The following EXOC6B variants were observed in gnomAD, a reference collection of about 807,000 sequenced individuals.
EXOC6B encodes SEC15 homolog B.
A neutral mutation model predicts 113.5 loss-of-function variants in EXOC6B; 54 were observed. The ratio of observed to expected loss-of-function variants is 0.48; its 90% confidence interval spans 0.38 to 0.60. The LOEUF (loss-of-function observed/expected upper bound fraction) is 0.60, where lower values mean the gene tolerates loss of function less well. EXOC6B is among the 20% of genes least tolerant of loss of function. The pLI is 0.00. For missense variants in EXOC6B, 797 were observed against 977.5 expected (o/e 0.82, Z 2.46); for synonymous variants, 357 against 339.0 (o/e 1.05, Z -0.58).
At chr2:72,352,092 G>T (rs1689681810) in intron 19 of EXOC6B, among the ~76,000 whole-genome samples, 1 of 151,832 alleles carries the variant, frequency 6.6e-6, no homozygotes, top group Non-Finnish European at 1.5e-5. Flanking sequence ...GTCCAATTGG[G>T]GATTTTAGTG....
At chr2:72,650,417 C>T (rs1049949493) in intron 6 of EXOC6B, among the ~76,000 whole-genome samples, 25 of 151,942 alleles carry the variant, frequency 1.6e-4, no homozygotes, top group Non-Finnish European at 4.4e-5. Context: ...CTGGCTAACA[C>T]GGGGAAACCC....
At chr2:72,240,015 A>T (rs975621110) in intron 20 of EXOC6B, among the ~76,000 whole-genome samples, 13 of 152,220 alleles carry the variant, frequency 8.5e-5, no homozygotes, top group Non-Finnish European at 1.6e-4. Context: ...ACCAAGGTAC[A>T]AGTACATGGT....
intron 17 of EXOC6B, among the ~76,000 whole-genome samples, chr2:72,469,515 G>A (rs1698266779): frequency 6.6e-6 from 1 of 151,816 alleles, no homozygotes; most frequent in African/African-American, 2.4e-5. Flanking sequence ...TGTTTATTTT[G>A]AAATATTTCT....
At chr2:72,779,726 T>C (rs1683916682) in intron 1 of EXOC6B, among the ~76,000 whole-genome samples, 1 of 152,106 alleles carries the variant, frequency 6.6e-6, no homozygotes. Context: ...ATTAGACTAT[T>C]GTCTAAGGGG....
At position 72,536,882 on chromosome 2, in the gene EXOC6B, T is replaced by C. The variant is rs567754824; in HGVS notation, c.916-21756A>G. Among the ~76,000 whole-genome samples, 7 of 152,296 alleles carry C rather than the reference T, an allele frequency of 4.6e-5. 1 individual carries two copies. The East Asian group carries it at 1.3e-3, about 29-fold the overall frequency. The stretch of plus-strand genomic sequence containing the variant: ...TTTACAAATTAAATTGAGGAGAAAT[T>C]AACAACTTTGCATTGTATGAAGAAC... On this transcript the variant is annotated intron_variant, in intron 8 of 21. Coordinates refer to ENST00000272427, the MANE Select transcript of EXOC6B (RefSeq NM_015189.3).
At chr2:72,452,963 C>T (rs1051577561) in intron 18 of EXOC6B, among the ~76,000 whole-genome samples, 4 of 152,156 alleles carry the variant, frequency 2.6e-5, no homozygotes, top group Non-Finnish European at 5.9e-5. Context: ...CCATGCTTCT[C>T]AGTCCCCTTG....
At chr2:72,656,798 C>T (rs1229740614) in intron 6 of EXOC6B, among the ~76,000 whole-genome samples, 2 of 152,166 alleles carry the variant, frequency 1.3e-5, no homozygotes, top group Admixed American at 1.3e-4. Flanking sequence ...TATGTGTATA[C>T]ACAAACATAT....
chr2:72,686,291 T>C (rs187749919), intron 6 of EXOC6B, among the ~76,000 whole-genome samples: 236 of 152,256 alleles, frequency 1.6e-3, no homozygotes, highest in African/African-American at 5.6e-3. Flanking sequence ...AGAAGCATGA[T>C]AGGAAAACCA....
At position 72,648,385 on chromosome 2, in the gene EXOC6B, A is replaced by T. The variant is rs530666284; in HGVS notation, c.669+69718T>A. 3.3e-5 allele frequency among the ~76,000 whole-genome samples: 5 copies of T among 152,352 alleles called. No homozygotes were observed. The East Asian group carries it at 9.6e-4, about 29-fold the overall frequency. On this transcript the variant is annotated intron_variant, in intron 6 of 21. Transcript: ENST00000272427. The stretch of plus-strand genomic sequence containing the variant: ...AAGACAGTGTGGCGATTCCTCAAGG[A>T]TCTAGAACTAAAAATACCATTTGAC...
intron 1 of EXOC6B, among the ~76,000 whole-genome samples, chr2:72,803,306 C>CA (rs762977532): frequency 0.065 from 8,000 of 123,444 alleles, 678 homozygotes; most frequent in African/African-American, 0.21. Flanking sequence ...AAATTCTGAG[C>CA]AAAAAAAAAA....
At chr2:72,303,913 G>A (rs1363316057) in intron 20 of EXOC6B, among the ~76,000 whole-genome samples, 1 of 152,206 alleles carries the variant, frequency 6.6e-6, no homozygotes, top group African/African-American at 2.4e-5. Flanking sequence ...TGCTCAGTGA[G>A]GAGAAGTGAG....
chr2:72,804,894 G>A (rs997309589), intron 1 of EXOC6B, among the ~76,000 whole-genome samples: 31 of 152,166 alleles, frequency 2.0e-4, no homozygotes, highest in Admixed American at 1.4e-3. Flanking sequence ...ACCACACCCG[G>A]CCAGCCTTTA....
chr2:72,642,701 T>C (rs2104352390), intron 6 of EXOC6B, among the ~76,000 whole-genome samples: 1 of 150,510 alleles, frequency 6.6e-6, no homozygotes, highest in East Asian at 1.9e-4. Flanking sequence ...GACATAGGCA[T>C]GGGCAAGGAC....
Position 72,176,279 on chromosome 2 carries a change from GGAAGAAGAAGAA to G in EXOC6B, c.*3044_*3055del, listed in dbSNP as rs71731573. The stretch of plus-strand genomic sequence containing the variant: ...CAGGCAAAAAAAAAAAAAACAAAAA[GGAAGAAGAAGAA>G]GAAGAAGAAGAGGCAATTGCAGTCA... On this transcript the variant is annotated 3_prime_UTR_variant, in exon 22 of 22. Transcript: ENST00000272427. The G allele has an allele frequency of 1.3e-5, 2 of 148,194 alleles. No individual in the cohort carries two copies. The highest frequency in any genetic ancestry group is 3.0e-5 in the Non-Finnish European group (2 of 67,132). 9.2% of individuals were successfully genotyped at this position (148,194 alleles called of 1,614,324 possible). A position where few individuals can be genotyped will look rare whatever the true frequency, so the allele number is the denominator to read the frequency against.
At chr2:72,720,637 C>T (rs1217095445) in intron 5 of EXOC6B, among the ~76,000 whole-genome samples, 8 of 151,970 alleles carry the variant, frequency 5.3e-5, no homozygotes, top group African/African-American at 1.7e-4. Flanking sequence ...CCCGTAGTCC[C>T]AACTACTTGG....
At chr2:72,369,625 T>G (rs764543852) in intron 19 of EXOC6B, among the ~76,000 whole-genome samples, 1 of 152,054 alleles carries the variant, frequency 6.6e-6, no homozygotes, top group Non-Finnish European at 1.5e-5. Context: ...TACAAGGCTA[T>G]AGTAACCAAA....
intron 18 of EXOC6B, among the ~76,000 whole-genome samples, chr2:72,381,163 C>G (rs747474371): frequency 6.6e-6 from 1 of 152,044 alleles, no homozygotes; most frequent in Non-Finnish European, 1.5e-5. Flanking sequence ...AAACAATATG[C>G]TGTATTATTT....
chr2:72,641,014 A>G (rs1476090943), intron 6 of EXOC6B, among the ~76,000 whole-genome samples: 1 of 152,204 alleles, frequency 6.6e-6, no homozygotes, highest in African/African-American at 2.4e-5. Context: ...TTCCCACACA[A>G]TAATAGTGGA....
chr2:72,290,777 T>C (rs1439395809), intron 20 of EXOC6B, among the ~76,000 whole-genome samples: 1 of 152,016 alleles, frequency 6.6e-6, no homozygotes, highest in East Asian at 1.9e-4. Flanking sequence ...TGTATTTGGA[T>C]GTATATTTGA....
Sources: allele counts gnomAD v4.1 joint callset (sites outside exome capture counted in the v4.1 genomes callset), GRCh38; gene constraint gnomAD v4.1.1; transcripts MANE v1.5; gene names NCBI Gene and HGNC (gene_info 2026-07-23, HGNC 2026-07-21).